The following DENND1B variants were observed in gnomAD, a reference collection of about 807,000 sequenced individuals.
DENND1B encodes the protein DENN domain containing 1B, also known as DENN domain-containing protein 1B.
DENND1B carries 59 observed loss-of-function variants against 90.1 expected under a neutral mutation model. The ratio of observed to expected loss-of-function variants is 0.65; its 90% CI spans 0.53 to 0.81. The LOEUF is 0.81. Ranked by LOEUF, DENND1B falls within the 40% of genes least tolerant of loss-of-function variation. The probability of loss-of-function intolerance (pLI) is 0.00; values close to 1 mark genes in which losing one functional copy is unlikely to be tolerated. For missense variants in DENND1B, 862 were observed against 912.6 expected (o/e 0.94, Z 0.71); for synonymous variants, 337 against 324.6 (o/e 1.04, Z -0.41).
At chr1:197,691,232 C>CA (rs955165880) in intron 3 of DENND1B, among the ~76,000 whole-genome samples, 1 of 144,982 alleles carries the variant, frequency 6.9e-6, no homozygotes, top group African/African-American at 2.5e-5. Flanking sequence ...CTATCCAAAG[C>CA]ATATAAGGAA....
At chr1:197,544,674 TA>T (rs1386764550) in intron 18 of DENND1B, among the ~76,000 whole-genome samples, 2 of 140,180 alleles carry the variant, frequency 1.4e-5, no homozygotes, top group Non-Finnish European at 3.1e-5. Flanking sequence ...GCTGATAAGC[TA>T]AAAAAGAAAA....
At chr1:197,630,937 G>T (rs74732144) in intron 10 of DENND1B, among the ~76,000 whole-genome samples, 1 of 152,020 alleles carries the variant, frequency 6.6e-6, no homozygotes, top group African/African-American at 2.4e-5. Flanking sequence ...TACTCACCTC[G>T]TCACAACTCT....
intron 2 of DENND1B, among the ~76,000 whole-genome samples, chr1:197,726,027 C>T (rs1661601317): frequency 6.6e-6 from 1 of 151,242 alleles, no homozygotes. Flanking sequence ...CATATATATA[C>T]ACACATATGG....
At chr1:197,632,053 C>G (rs1679374480) in intron 10 of DENND1B, among the ~76,000 whole-genome samples, 1 of 152,118 alleles carries the variant, frequency 6.6e-6, no homozygotes, top group South Asian at 2.1e-4. Flanking sequence ...CCTCACCTCC[C>G]TCTTAAGGTC....
chr1:197,529,383 G>T (rs202053492), intron 20 of DENND1B, among the ~76,000 whole-genome samples: 43 of 150,112 alleles, frequency 2.9e-4, no homozygotes, highest in Admixed American at 2.7e-4. Context: ...TGGGTGGGTG[G>T]GTGTGTGTGT....
At chr1:197,575,421 G>T (rs1301457152) in intron 15 of DENND1B, among the ~76,000 whole-genome samples, 3 of 152,040 alleles carry the variant, frequency 2.0e-5, no homozygotes, top group Admixed American at 1.3e-4. Context: ...TCATTAAAAA[G>T]GTAAGAAACA....
rs765956367 is a variant in DENND1B, at chr1:197,775,132, C to T, written c.17+7G>A. The T allele has an allele frequency of 4.6e-6, 6 of 1,291,936 alleles. No homozygotes were observed. The highest frequency in any genetic ancestry group is 4.6e-5 in the African/African-American group (3 of 64,664). The allele number at this position is 1,291,936 out of a possible 1,614,324, so 80.0% of individuals were successfully genotyped here. A position where few individuals can be genotyped will look rare whatever the true frequency, so the allele number is the denominator to read the frequency against. On this transcript the variant is annotated splice_region_variant and intron_variant, in intron 1 of 22. Transcript: ENST00000620048. The stretch of plus-strand genomic sequence containing the variant: ...CGCCCCCGACGCGCCCGGGCCCCCC[C>T]ACTCACTTGGTCCTGCAGTCCATGG...
rs891990470 is a variant in DENND1B at position 197,766,296 on chromosome 1, T to C, written c.82+6572A>G. On this transcript the variant is annotated intron_variant, in intron 2 of 22. Coordinates refer to ENST00000620048, the MANE Select transcript of DENND1B (RefSeq NM_001195215.2). The stretch of plus-strand genomic sequence containing the variant: ...TTTGCATTACTCTAATTTATCCTAG[T>C]GCATCTGAATTGAGAGACTCAGAGT... 3.2e-4 allele frequency among the ~76,000 whole-genome samples: 48 copies of C among 152,308 alleles called. 1 individual carries two copies. The highest frequency in any genetic ancestry group is 4.1e-4 in the South Asian group (2 of 4,826).
intron 20 of DENND1B, among the ~76,000 whole-genome samples, chr1:197,528,348 A>G (rs1183930706): frequency 1.3e-5 from 2 of 152,214 alleles, no homozygotes; most frequent in East Asian, 1.9e-4. Flanking sequence ...ATAAAAGTAT[A>G]TATGACTTCT....
intron 10 of DENND1B, among the ~76,000 whole-genome samples, chr1:197,630,933 C>T (rs966792018): frequency 2.0e-5 from 3 of 152,128 alleles, no homozygotes; most frequent in African/African-American, 7.2e-5. Context: ...GCTGTACTCA[C>T]CTCGTCACAA....
intron 6 of DENND1B, among the ~76,000 whole-genome samples, chr1:197,654,408 G>T (rs1653583528): frequency 6.6e-6 from 1 of 152,056 alleles, no homozygotes; most frequent in South Asian, 2.1e-4. Flanking sequence ...TCAGGAGTTT[G>T]AGATCAGCCT....
At chr1:197,664,851 A>T (rs1017258578) in intron 5 of DENND1B, among the ~76,000 whole-genome samples, 2 of 152,032 alleles carry the variant, frequency 1.3e-5, no homozygotes, top group African/African-American at 4.8e-5. Context: ...GAATGAGTTA[A>T]AGGGGGGAGG....
At chr1:197,591,978 G>A (rs1226961000) in intron 14 of DENND1B, among the ~76,000 whole-genome samples, 3 of 151,588 alleles carry the variant, frequency 2.0e-5, no homozygotes, top group South Asian at 2.1e-4. Context: ...GCATGGTGGC[G>A]GGCACCTGTA....
At chr1:197,683,531 G>A (rs746692563) in intron 3 of DENND1B, among the ~76,000 whole-genome samples, 3 of 152,074 alleles carry the variant, frequency 2.0e-5, no homozygotes, top group Non-Finnish European at 2.9e-5. Flanking sequence ...GAGTAAAAAC[G>A]GAGACATACA....
At chr1:197,645,546 A>T (rs1680653823) in intron 9 of DENND1B, 144 bp downstream of exon 9, 1 of 445,442 alleles carries the variant, frequency 2.2e-6, no homozygotes, top group Admixed American at 4.3e-5. Flanking sequence ...TAATATCTTT[A>T]TTTCTTATTT....
intron 2 of DENND1B, among the ~76,000 whole-genome samples, chr1:197,716,020 A>C (rs1165515821): frequency 6.6e-6 from 1 of 151,840 alleles, no homozygotes; most frequent in Non-Finnish European, 1.5e-5. Context: ...TTTGAACTCC[A>C]CGCCAAGTAA....
intron 20 of DENND1B, among the ~76,000 whole-genome samples, chr1:197,514,428 A>G (rs148835162): frequency 1.3e-5 from 2 of 151,756 alleles, no homozygotes; most frequent in Non-Finnish European, 3.0e-5. Flanking sequence ...ACCCACCACA[A>G]TTCTTCTTCT....
chr1:197,584,571 A>G (rs114128945), intron 14 of DENND1B, among the ~76,000 whole-genome samples: 1,713 of 152,294 alleles, frequency 0.011, 33 homozygotes, highest in African/African-American at 0.04. Context: ...AAAGAAGACA[A>G]TTCGATAAAC....
intron 2 of DENND1B, among the ~76,000 whole-genome samples, chr1:197,740,399 G>C (rs969299558): frequency 6.6e-6 from 1 of 152,136 alleles, no homozygotes; most frequent in Non-Finnish European, 1.5e-5. Context: ...TTATTTGAAT[G>C]ATTTGAAAAG....
Sources: allele counts gnomAD v4.1 joint callset (sites outside exome capture counted in the v4.1 genomes callset), GRCh38; gene constraint gnomAD v4.1.1; transcripts MANE v1.5; gene names NCBI Gene and HGNC (gene_info 2026-07-23, HGNC 2026-07-21).